Variants in SGCG observed in about 807,000 individuals in gnomAD.
The protein encoded by SGCG is gamma-sarcoglycan.
SGCG carries 26 observed loss-of-function variants against 29.3 expected under a neutral mutation model. The observed-to-expected ratio is 0.89, with a 90% confidence interval of 0.65 to 1.23. The LOEUF is 1.23. Ranked by LOEUF, SGCG falls within the 50% of genes most tolerant of loss-of-function variation. The pLI is 0.00. For synonymous variants in SGCG, 145 were observed against 129.7 expected, an observed-to-expected ratio of 1.12 and a Z score of -0.80; for missense variants, 353 against 356.0, an observed-to-expected ratio of 0.99 and a Z score of 0.07.
chr13:23,295,701 G>GCCTCCTCCTT (rs945478119), intron 6 of SGCG, among the ~76,000 whole-genome samples: 4 of 152,148 alleles, frequency 2.6e-5, no homozygotes, highest in African/African-American at 7.2e-5. Flanking sequence ...CCTGTTCACA[G>GCCTCCTCCTT]CCTCCTCCTT....
At chr13:23,284,975 C>T (rs913707443) in intron 5 of SGCG, among the ~76,000 whole-genome samples, 4 of 152,202 alleles carry the variant, frequency 2.6e-5, no homozygotes, top group African/African-American at 9.7e-5. Flanking sequence ...GTTCCTTCCT[C>T]TGGAAGTTTC....
intron 1 of SGCG, among the ~76,000 whole-genome samples, chr13:23,183,633 G>C (rs897574397): frequency 6.6e-6 from 1 of 152,028 alleles, no homozygotes; most frequent in Non-Finnish European, 1.5e-5. Context: ...CAACATTTTT[G>C]ATTGTAACGA....
At chr13:23,230,216 A>T (rs183035315) in intron 2 of SGCG, among the ~76,000 whole-genome samples, 6 of 152,302 alleles carry the variant, frequency 3.9e-5, no homozygotes, top group Non-Finnish European at 7.4e-5. Context: ...GGGCAATGTG[A>T]TAACTCCAGC....
chr13:23,311,544 G>A (rs993346974), intron 6 of SGCG, among the ~76,000 whole-genome samples: 1 of 152,190 alleles, frequency 6.6e-6, no homozygotes, highest in Non-Finnish European at 1.5e-5. Flanking sequence ...TCACCTATAA[G>A]GTGTCTGACT....
chr13:23,296,366 T>G (rs510433), intron 6 of SGCG, among the ~76,000 whole-genome samples: 2 of 152,200 alleles, frequency 1.3e-5, no homozygotes, highest in Admixed American at 6.5e-5. Context: ...GCACAATAAA[T>G]CCATATTTGC....
At chr13:23,249,297 T>C (rs1489587317) in intron 3 of SGCG, among the ~76,000 whole-genome samples, 1 of 152,180 alleles carries the variant, frequency 6.6e-6, no homozygotes. Context: ...CCTGGGATAT[T>C]AGTCTGGAGT....
intron 6 of SGCG, among the ~76,000 whole-genome samples, chr13:23,303,139 T>C (rs545383843): frequency 5.9e-5 from 9 of 152,232 alleles, no homozygotes; most frequent in African/African-American, 2.2e-4. Context: ...CCTGGAAGTA[T>C]TTCTACCCCA....
At chr13:23,280,286 A>G (rs1881260386) in intron 5 of SGCG, among the ~76,000 whole-genome samples, 1 of 152,212 alleles carries the variant, frequency 6.6e-6, no homozygotes, top group African/African-American at 2.4e-5. Context: ...TCACTTGCCA[A>G]AGACTAGAAG....
chr13:23,256,548 GC>G (rs1349490596), intron 4 of SGCG, among the ~76,000 whole-genome samples: 5 of 151,842 alleles, frequency 3.3e-5, no homozygotes, highest in Admixed American at 6.6e-5. Context: ...CCCACGACAG[GC>G]CCCAGTGTGT....
At chr13:23,288,306 CA>C (rs1881579145) in intron 5 of SGCG, among the ~76,000 whole-genome samples, 1 of 152,166 alleles carries the variant, frequency 6.6e-6, no homozygotes, top group Non-Finnish European at 1.5e-5. Context: ...CCGCCCTTGT[CA>C]CTTGCACAGC....
chr13:23,255,873 A>G (rs1880157562), intron 4 of SGCG, among the ~76,000 whole-genome samples: 1 of 152,230 alleles, frequency 6.6e-6, no homozygotes, highest in African/African-American at 2.4e-5. Context: ...GAAAGAAAGC[A>G]CACTTTGAAA....
At chr13:23,177,405 G>T (rs367974107), upstream of SGCG, among the ~76,000 whole-genome samples, 11 of 152,236 alleles carry the variant, frequency 7.2e-5, no homozygotes, top group African/African-American at 2.4e-4. Flanking sequence ...TGAGGTGATG[G>T]ATATGCTAAT....
intron 4 of SGCG, 148 bp downstream of exon 4, chr13:23,250,865 T>A: frequency 1.4e-6 from 1 of 702,358 alleles, no homozygotes; most frequent in Non-Finnish European, 2.6e-6. Flanking sequence ...GACCACAGAC[T>A]AGCACCACAG....
chr13:23,252,855 A>G (rs554162832), intron 4 of SGCG, among the ~76,000 whole-genome samples: 1 of 152,278 alleles, frequency 6.6e-6, no homozygotes, highest in East Asian at 1.9e-4. Context: ...TGAAGGACTA[A>G]AAAGCAGATT....
chr13:23,276,431 C>CTTTTTTTT (rs71100165), intron 4 of SGCG, among the ~76,000 whole-genome samples: 3,903 of 102,242 alleles, frequency 0.038, 437 homozygotes, highest in African/African-American at 0.057. Flanking sequence ...TTTTAGTTTT[C>CTTTTTTTT]TTTTTTTTTT....
intron 6 of SGCG, among the ~76,000 whole-genome samples, chr13:23,312,037 G>C (rs1489631126): frequency 6.6e-6 from 1 of 152,106 alleles, no homozygotes; most frequent in African/African-American, 2.4e-5. Context: ...CTATGTCCTT[G>C]GTGCCATCCC....
intron 6 of SGCG, among the ~76,000 whole-genome samples, chr13:23,299,407 CATATATATATATATATATATATATAT>C (rs1191940207): frequency 8.4e-5 from 2 of 23,924 alleles, no homozygotes; most frequent in African/African-American, 3.5e-4. Context: ...TCTTAGTTGG[CATATATATATATATATATATATATAT>C]ATATATATAT....
At chr13:23,167,569 G>A in the SGCG span, among the ~76,000 whole-genome samples, 1 of 152,068 alleles carries the variant, frequency 6.6e-6, no homozygotes, top group Non-Finnish European at 1.5e-5. Context: ...ATTTGTTATT[G>A]CCTGTCTTTT....
At chr13:23,164,304 G>A in the SGCG span, among the ~76,000 whole-genome samples, 5 of 152,180 alleles carry the variant, frequency 3.3e-5, no homozygotes, top group South Asian at 1.0e-3. Context: ...CTCTGTCTTC[G>A]AGCACTTGCT....
Sources: allele counts gnomAD v4.1 joint callset (sites outside exome capture counted in the v4.1 genomes callset), GRCh38; gene constraint gnomAD v4.1.1; transcripts MANE v1.5; gene names NCBI Gene and HGNC (gene_info 2026-07-23, HGNC 2026-07-21).